ZNF273: variants seen among roughly 807,000 people sequenced by gnomAD.
ZNF273 encodes zinc finger protein 273.
Under a neutral mutation model 14.9 loss-of-function variants are expected in ZNF273, and 11 were observed. The observed-to-expected ratio is 0.74, with a 90% CI of 0.46 to 1.22. The LOEUF is 1.22. Ranked by LOEUF, ZNF273 falls within the 50% of genes most tolerant of loss-of-function variation. The probability of loss-of-function intolerance (pLI) is 0.00; values close to 1 mark genes in which losing one functional copy is unlikely to be tolerated. For missense variants in ZNF273, 577 were observed against 660.6 expected, an observed-to-expected ratio of 0.87 and a Z score of 1.39; for synonymous variants, 199 against 223.9, an observed-to-expected ratio of 0.89 and a Z score of 0.99.
At chr7:64,881,881 A>G (rs1402847018), downstream of ZNF273, among the ~76,000 whole-genome samples, 2 of 152,194 alleles carry the variant, frequency 1.3e-5, no homozygotes, top group African/African-American at 4.8e-5. Context: ...GGGGATCCAC[A>G]GTGCCCCTCA....
Position 64,928,409 on chromosome 7 carries a change from C to T in ZNF273, c.1081C>T (p.Leu361Phe), listed in dbSNP as rs1478797032. 6.2e-7 allele frequency: 1 copy of T among 1,613,706 alleles called. No individual in the cohort carries two copies. The highest frequency in any genetic ancestry group is 8.5e-7 in the Non-Finnish European group (1 of 1,179,916). The change falls in exon 4 of 4, where the codon CTT (leucine) becomes TTT (phenylalanine). Residue 361 changes from leucine (L) to phenylalanine (F), a missense_variant. Coordinates refer to ENST00000476120, the MANE Select transcript of ZNF273 (RefSeq NM_021148.3). ...CGKAFNWSST[L>F]TKHKRIHTGE... is the part of the protein sequence containing the mutation. ...TAAAGCCTTTAACTGGTCCTCAACTCTTACTAAACATAAGAGAATTCATAC... is the reference window on the plus strand; with the variant it reads ...TAAAGCCTTTAACTGGTCCTCAACTTTTACTAAACATAAGAGAATTCATAC...
In ZNF273 at chr7:64,928,804, T is replaced by C. The variant is rs1794897058; in HGVS notation, c.1476T>C (p.Gly492=). The change falls in exon 4 of 4, where the codon GGT becomes GGC. Residue 492 remains glycine, a synonymous_variant. Coordinates refer to ENST00000476120, the MANE Select transcript of ZNF273 (RefSeq NM_021148.3). ...GEKPYKCNEC[G]KAFNWSSTLT... ...AACCTTACAAATGCAATGAATGTGG[T>C]AAAGCCTTTAACTGGTCCTCAACTC... 1.2e-6 allele frequency: 2 copies of C among 1,613,402 alleles called. No individual in the cohort carries two copies. The highest frequency in any genetic ancestry group is 1.1e-5 in the South Asian group (1 of 91,050).
downstream of ZNF273, among the ~76,000 whole-genome samples, chr7:64,880,717 A>G (rs1372998039): frequency 1.3e-5 from 2 of 151,994 alleles, no homozygotes; most frequent in African/African-American, 2.4e-5. Context: ...ACGGGCCCCA[A>G]ATTATATCCC....
At chr7:64,936,943 C>G in the ZNF273 span, among the ~76,000 whole-genome samples, 1 of 152,152 alleles carries the variant, frequency 6.6e-6, no homozygotes, top group African/African-American at 2.4e-5. Flanking sequence ...TAATAAAAAG[C>G]ATTTGATGTT....
intron 3 of ZNF273, chr7:64,897,304 C>G (rs907462733): frequency 5.9e-5 from 9 of 152,186 alleles, no homozygotes; most frequent in Non-Finnish European, 1.2e-4. Flanking sequence ...AAAAGTGTGT[C>G]TCTCATAAAA....
At chr7:64,909,836 T>G (rs10276496) in intron 1 of ZNF273, among the ~76,000 whole-genome samples, 63,286 of 142,796 alleles carry the variant, frequency 0.44, 13,421 homozygotes, top group African/African-American at 0.52. Context: ...GCAAGCATCG[T>G]TTTTTTTTGT....
intron 1 of ZNF273, among the ~76,000 whole-genome samples, chr7:64,908,967 T>TG (rs1456271710): frequency 6.6e-6 from 1 of 152,226 alleles, no homozygotes; most frequent in Non-Finnish European, 1.5e-5. Flanking sequence ...TGGAGTACAG[T>TG]GGGGTGATCT....
chr7:64,936,447 T>C, the ZNF273 span, among the ~76,000 whole-genome samples: 1 of 152,202 alleles, frequency 6.6e-6, no homozygotes, highest in Admixed American at 6.5e-5. Context: ...TCAAGGTGAA[T>C]ACTGGGAACT....
At chr7:64,917,116 C>T in intron 1 of ZNF273, 1 of 1,280,712 alleles carries the variant, frequency 7.8e-7, no homozygotes, top group Non-Finnish European at 1.0e-6. Flanking sequence ...ATTGGCATTA[C>T]TGGTGAGCTT....
downstream of ZNF273, chr7:64,882,476 G>A (rs1365504197): frequency 6.6e-6 from 1 of 152,296 alleles, no homozygotes; most frequent in Non-Finnish European, 1.5e-5. Flanking sequence ...TGGCGCCCGA[G>A]GCAGCCTCAC....
At position 64,927,636 on chromosome 7, in the gene ZNF273, T is replaced by TA. The variant is rs778332839; in HGVS notation, c.326-17dup. ...TGAGTCTAGTAAGTGGGGTAATTGT[T>TA]ACTTTTATTTCTTTCAGTTGTGTGT... On this transcript the variant is annotated splice_polypyrimidine_tract_variant and intron_variant, in intron 3 of 3. Coordinates refer to ENST00000476120, the MANE Select transcript of ZNF273 (RefSeq NM_021148.3). 1 of 1,538,766 alleles carries TA rather than the reference T, an allele frequency of 6.5e-7. No individual in the cohort carries two copies. Among genetic ancestry groups the TA allele is most frequent in the Non-Finnish European group, 8.7e-7 (1 of 1,148,976 alleles).
At chr7:64,918,688 A>AGT (rs1562961926) in intron 3 of ZNF273, among the ~76,000 whole-genome samples, 1 of 136,220 alleles carries the variant, frequency 7.3e-6, no homozygotes, top group Non-Finnish European at 1.5e-5. Context: ...AAAAAAAAAA[A>AGT]TGTGATTTGG....
chr7:64,886,023 A>C (rs1353339284), intron 1 of ZNF273, among the ~76,000 whole-genome samples: 1 of 146,920 alleles, frequency 6.8e-6, no homozygotes, highest in Non-Finnish European at 1.5e-5. Context: ...GATACCAGAA[A>C]GGTAGCTACT....
At chr7:64,937,253 C>T in the ZNF273 span, among the ~76,000 whole-genome samples, 3 of 152,194 alleles carry the variant, frequency 2.0e-5, no homozygotes, top group Non-Finnish European at 4.4e-5. Context: ...CTGCTATTCT[C>T]AGCTCTACCC....
chr7:64,912,826 G>GTTTTTTTTTT (rs71061324), intron 1 of ZNF273, among the ~76,000 whole-genome samples: 912 of 36,466 alleles, frequency 0.025, 171 homozygotes, highest in African/African-American at 0.047. Flanking sequence ...ATTCATTTTA[G>GTTTTTTTTTT]TTTTTTTTTT....
chr7:64,928,797 A>T lies in ZNF273; in HGVS notation c.1469A>T (p.Glu490Val). 1 of 1,613,790 alleles carries T rather than the reference A, an allele frequency of 6.2e-7. No homozygotes were observed. Among genetic ancestry groups the T allele is most frequent in the Non-Finnish European group, 8.5e-7 (1 of 1,179,944 alleles). Residue 490 changes from glutamate to valine, a missense_variant, in exon 4 of 4, where the codon GAA (glutamate) becomes GTA (valine). Physicochemically the swap from Glu to Val is moderately radical, Grantham distance 121. Coordinates refer to ENST00000476120, the MANE Select transcript of ZNF273 (RefSeq NM_021148.3). ...HTGEKPYKCN[E>V]CGKAFNWSST... ...GGAGAGAAACCTTACAAATGCAATG[A>T]ATGTGGTAAAGCCTTTAACTGGTCC...
intron 1 of ZNF273, among the ~76,000 whole-genome samples, chr7:64,886,605 C>T (rs1189888506): frequency 6.6e-6 from 1 of 152,208 alleles, no homozygotes; most frequent in South Asian, 2.1e-4. Context: ...CAACCACTGT[C>T]ATCTCACTTA....
chr7:64,926,346 C>A lies in ZNF273; in HGVS notation c.326-1308C>A, dbSNP rs956550511. Reference sequence around the variant, plus strand: ...TTATATATGTGTGTGTTATAAATATCTTTGTTTGTATCCTAGTTTGTTGAG... The same window carrying A: ...TTATATATGTGTGTGTTATAAATATATTTGTTTGTATCCTAGTTTGTTGAG... On this transcript the variant is annotated intron_variant, in intron 3 of 3. Transcript: ENST00000476120. 2.6e-5 allele frequency among the ~76,000 whole-genome samples: 4 copies of A among 151,984 alleles called. No homozygotes were observed. In the East Asian group the frequency reaches 7.7e-4, roughly 29 times the overall value.
chr7:64,888,663 C>T, exon 2 of ZNF273: 1 of 985,754 alleles, frequency 1.0e-6, no homozygotes. Context: ...GACCAGGGGG[C>T]CGCGTCTTCG....
Sources: gnomAD v4.1 joint callset for allele counts (sites outside exome capture counted in the v4.1 genomes callset) on GRCh38, gnomAD v4.1.1 for gene constraint, MANE v1.5 for transcripts, NCBI Gene and HGNC (gene_info 2026-07-23, HGNC 2026-07-21) for gene names.